CNTN6: variants seen among roughly 807,000 people sequenced by gnomAD.
CNTN6 encodes the protein contactin-6.
In CNTN6, 137 loss-of-function variants were observed where a neutral mutation model predicts 122.8. That is an observed-to-expected ratio of 1.12 (90% CI 0.97 to 1.29). The LOEUF is 1.29. CNTN6 is among the 50% of genes most tolerant of loss of function. CNTN6 has a pLI of 0.00. For missense variants in CNTN6, 1,634 were observed against 1,223.4 expected, an observed-to-expected ratio of 1.34 and a Z score of -5.01; for synonymous variants, 570 against 426.0, an observed-to-expected ratio of 1.34 and a Z score of -4.16.
chr3:1,134,342 C>T (rs951529184), intron 1 of CNTN6, among the ~76,000 whole-genome samples: 8 of 152,250 alleles, frequency 5.3e-5, no homozygotes, highest in African/African-American at 1.4e-4. Context: ...AGGGCTGTCA[C>T]GGAGTCCTTT....
intron 5 of CNTN6, among the ~76,000 whole-genome samples, chr3:1,294,937 T>A (rs921583855): frequency 6.6e-6 from 1 of 152,142 alleles, no homozygotes; most frequent in Non-Finnish European, 1.5e-5. Flanking sequence ...CCTAAAACTG[T>A]CACAGAATAG....
chr3:1,096,253 TTG>T (rs763508099), intron 1 of CNTN6, among the ~76,000 whole-genome samples: 1 of 150,750 alleles, frequency 6.6e-6, no homozygotes, highest in Non-Finnish European at 1.5e-5. Flanking sequence ...GATTCTTTTG[TTG>T]TGTGTGTGTG....
At chr3:1,155,755 G>A (rs2092947987) in intron 2 of CNTN6, among the ~76,000 whole-genome samples, 1 of 151,766 alleles carries the variant, frequency 6.6e-6, no homozygotes, top group African/African-American at 2.4e-5. Context: ...TTCCTTTTTA[G>A]TTCTGTCATT....
intron 5 of CNTN6, among the ~76,000 whole-genome samples, chr3:1,285,166 A>G (rs563482967): frequency 4.0e-4 from 61 of 152,260 alleles, no homozygotes; most frequent in African/African-American, 1.4e-3. Context: ...CTGTAGACAG[A>G]TAGATAATTA....
intron 4 of CNTN6, among the ~76,000 whole-genome samples, chr3:1,268,044 G>T (rs1045343482): frequency 2.0e-5 from 3 of 152,134 alleles, no homozygotes; most frequent in Non-Finnish European, 4.4e-5. Flanking sequence ...AGCACAAATT[G>T]CCCCAAAGAA....
At chr3:1,390,680 AAG>A (rs1693995490) in intron 20 of CNTN6, among the ~76,000 whole-genome samples, 1 of 151,784 alleles carries the variant, frequency 6.6e-6, no homozygotes, top group African/African-American at 2.4e-5. Flanking sequence ...AATAAAGAAA[AAG>A]AGAAGAATCA....
chr3:1,119,052 G>T (rs2091845578), intron 1 of CNTN6, among the ~76,000 whole-genome samples: 1 of 152,096 alleles, frequency 6.6e-6, no homozygotes, highest in African/African-American at 2.4e-5. Context: ...CTTAGGGAAG[G>T]AATTTGAAAA....
At chr3:1,260,846 C>A (rs1394769063) in intron 4 of CNTN6, among the ~76,000 whole-genome samples, 1 of 152,096 alleles carries the variant, frequency 6.6e-6, no homozygotes, top group African/African-American at 2.4e-5. Context: ...TGTAAGTTTC[C>A]TGAGGCCTCC....
intron 7 of CNTN6, among the ~76,000 whole-genome samples, chr3:1,306,715 A>G (rs406577): frequency 0.28 from 42,071 of 152,048 alleles, 8,985 homozygotes; most frequent in African/African-American, 0.6. Flanking sequence ...CACTTACTAA[A>G]TTTCCTGACC....
intron 19 of CNTN6, among the ~76,000 whole-genome samples, chr3:1,385,220 A>G (rs1339263479): frequency 6.6e-6 from 1 of 152,154 alleles, no homozygotes; most frequent in Non-Finnish European, 1.5e-5. Flanking sequence ...CTGTGATTCA[A>G]ATAACTCTGA....
intron 2 of CNTN6, among the ~76,000 whole-genome samples, chr3:1,151,905 GA>G (rs557529147): frequency 4.0e-5 from 6 of 149,826 alleles, no homozygotes; most frequent in Non-Finnish European, 7.4e-5. Context: ...TTCCTGGAAG[GA>G]AAAAAAAATC....
intron 17 of CNTN6, among the ~76,000 whole-genome samples, chr3:1,378,751 G>A (rs1244404760): frequency 6.6e-6 from 1 of 152,108 alleles, no homozygotes; most frequent in Non-Finnish European, 1.5e-5. Context: ...TGACATCATT[G>A]GGCAGAGAAG....
intron 12 of CNTN6, among the ~76,000 whole-genome samples, chr3:1,353,781 G>A (rs1706069653): frequency 6.6e-6 from 1 of 151,652 alleles, no homozygotes; most frequent in Admixed American, 6.6e-5. Context: ...TACAGCAGAA[G>A]ATTAAAATGT....
intron 1 of CNTN6, among the ~76,000 whole-genome samples, chr3:1,124,632 C>A (rs10446410): frequency 0.4 from 60,490 of 151,526 alleles, 12,590 homozygotes; most frequent in East Asian, 0.48. Context: ...CTCAGACATC[C>A]CTGCTAAAGA....
chr3:1,289,323 C>T lies in CNTN6; in HGVS notation c.455-6278C>T, dbSNP rs116481231. ...AGCCCATGGGGAGAAGGGAGCAGGG[C>T]AGGGTGAGAAATACTATGACAGCAA... is the stretch of plus-strand genomic sequence containing the variant. On this transcript the variant is annotated intron_variant, in intron 5 of 22. Transcript: ENST00000446702. Among the ~76,000 whole-genome samples, 376 of 152,224 alleles carry T rather than the reference C, an allele frequency of 2.5e-3. 1 individual carries two copies. The highest frequency in any genetic ancestry group is 8.5e-3 in the African/African-American group (354 of 41,540).
intron 20 of CNTN6, among the ~76,000 whole-genome samples, chr3:1,389,103 C>G (rs1428165311): frequency 1.4e-4 from 20 of 144,864 alleles, no homozygotes; most frequent in Non-Finnish European, 2.5e-4. Context: ...CTCCAAGACA[C>G]ATAATTGTCA....
chr3:1,211,885 A>G (rs2094043627), intron 2 of CNTN6, among the ~76,000 whole-genome samples: 1 of 152,188 alleles, frequency 6.6e-6, no homozygotes, highest in African/African-American at 2.4e-5. Flanking sequence ...GCCATGGCCC[A>G]AGGAATGGCC....
intron 20 of CNTN6, among the ~76,000 whole-genome samples, chr3:1,399,422 A>G (rs1002400092): frequency 3.3e-5 from 5 of 152,128 alleles, no homozygotes; most frequent in Admixed American, 3.3e-4. Context: ...AGTACGTTGT[A>G]CATTGACAAG....
chr3:1,271,721 A>C (rs760918351), intron 4 of CNTN6, among the ~76,000 whole-genome samples: 4 of 152,202 alleles, frequency 2.6e-5, no homozygotes, highest in African/African-American at 9.7e-5. Context: ...TGGGGGAGAG[A>C]AAGCACCTTT....
Sources: gnomAD v4.1 joint callset for allele counts (sites outside exome capture counted in the v4.1 genomes callset) on GRCh38, gnomAD v4.1.1 for gene constraint, MANE v1.5 for transcripts, NCBI Gene and HGNC (gene_info 2026-07-23, HGNC 2026-07-21) for gene names.